Variants in ZNF827 observed in about 807,000 individuals in gnomAD.
ZNF827 encodes the protein zinc finger protein 827.
Under a neutral mutation model 102.4 loss-of-function variants are expected in ZNF827, and 13 were observed. The observed-to-expected ratio is 0.13, with a 90% confidence interval of 0.08 to 0.20. The LOEUF (loss-of-function observed/expected upper bound fraction) is 0.20, where lower values mean the gene tolerates loss of function less well. Among genes scored for constraint, ZNF827 ranks in the 10% least tolerant of loss-of-function variants. ZNF827 has a pLI of 1.00. For missense variants in ZNF827, 1,103 were observed against 1,344.4 expected (o/e 0.82, Z 2.81); for synonymous variants, 523 against 536.2 (o/e 0.98, Z 0.34).
chr4:145,899,542 G>T (rs766663806), intron 2 of ZNF827, among the ~76,000 whole-genome samples: 17 of 152,186 alleles, frequency 1.1e-4, no homozygotes, highest in Non-Finnish European at 1.8e-4. Flanking sequence ...TGAAAAGAGT[G>T]AGGGCATCCC....
chr4:145,818,303 C>G (rs1052880143), intron 8 of ZNF827, among the ~76,000 whole-genome samples: 2 of 152,194 alleles, frequency 1.3e-5, no homozygotes, highest in Non-Finnish European at 2.9e-5. Flanking sequence ...AATTCCTGTG[C>G]TGCCCCTCCT....
At chr4:145,870,675 G>T in intron 4 of ZNF827, 197 bp from the exon 5 acceptor site, 1 of 523,688 alleles carries the variant, frequency 1.9e-6, no homozygotes, top group South Asian at 3.1e-5. Flanking sequence ...GAGGAGTGTG[G>T]GCTTCTGAAT....
Position 145,773,649 on chromosome 4 carries a change from A to G in ZNF827, c.2860+857T>C, listed in dbSNP as rs367870727. On this transcript the variant is annotated intron_variant, in intron 11 of 14. Transcript: ENST00000508784. ...GAGAGTATAATTGCATGGTGAAGTCAGAATGTTAACATCAATAAATGGAAG... is the reference window on the plus strand; with the variant it reads ...GAGAGTATAATTGCATGGTGAAGTCGGAATGTTAACATCAATAAATGGAAG... Among the ~76,000 whole-genome samples, 5 of 152,384 alleles carry G rather than the reference A, an allele frequency of 3.3e-5. No homozygotes were observed. In the East Asian group the frequency reaches 9.6e-4, roughly 29 times the overall value.
intron 2 of ZNF827, among the ~76,000 whole-genome samples, chr4:145,896,889 A>G (rs950106707): frequency 1.3e-5 from 2 of 152,258 alleles, no homozygotes; most frequent in Non-Finnish European, 2.9e-5. Context: ...AGCAGAGATG[A>G]TCTTATGGGA....
At chr4:145,858,899 T>C (rs1351377384) in intron 5 of ZNF827, among the ~76,000 whole-genome samples, 2 of 152,202 alleles carry the variant, frequency 1.3e-5, no homozygotes, top group African/African-American at 2.4e-5. Context: ...GGGTTCAGTA[T>C]ATGCAGACAA....
In ZNF827 at chr4:145,894,951, C is replaced by T. The variant is rs566681263; in HGVS notation, c.1094-2536G>A. On this transcript the variant is annotated intron_variant, in intron 2 of 14. Transcript: ENST00000508784. ...ACTGGAGAGAAAGGACTGAATCAGG[C>T]CTCTAGGTGAAATTATTGTCATACA... 2.2e-4 allele frequency among the ~76,000 whole-genome samples: 34 copies of T among 152,194 alleles called. 1 individual carries two copies. In the East Asian group the frequency reaches 5.2e-3, roughly 23 times the overall value.
chr4:145,913,050 T>C (rs999222226), intron 1 of ZNF827, among the ~76,000 whole-genome samples: 3 of 152,210 alleles, frequency 2.0e-5, no homozygotes, highest in Non-Finnish European at 2.9e-5. Flanking sequence ...TGTTAAGTCC[T>C]GTGAGGCTGG....
chr4:145,850,572 T>C (rs1746434614), intron 5 of ZNF827, among the ~76,000 whole-genome samples: 1 of 152,208 alleles, frequency 6.6e-6, no homozygotes, highest in Admixed American at 6.5e-5. Context: ...GAAACACATA[T>C]TTGTTTTGTA....
At position 145,849,566 on chromosome 4, in the gene ZNF827, A is replaced by C; in HGVS notation, c.1982-5T>G. 1 of 1,613,496 alleles carries C rather than the reference A, an allele frequency of 6.2e-7. No homozygotes were observed. Among genetic ancestry groups the C allele is most frequent in the South Asian group, 1.1e-5 (1 of 91,070 alleles). On this transcript the variant is annotated splice_region_variant and splice_polypyrimidine_tract_variant and intron_variant, in intron 5 of 14. Coordinates refer to ENST00000508784, the MANE Select transcript of ZNF827 (RefSeq NM_001306215.2). The stretch of plus-strand genomic sequence containing the variant: ...GTGTTTCCTTGTAGCTTTCCGCTGC[A>C]AGTAGGTGAATGAAGAGAAACAAAA...
intron 1 of ZNF827, among the ~76,000 whole-genome samples, chr4:145,933,877 G>A (rs1253381304): frequency 1.3e-5 from 2 of 151,646 alleles, no homozygotes; most frequent in African/African-American, 4.9e-5. Flanking sequence ...CGTTCATAAA[G>A]TGCCCAGTCC....
chr4:145,922,583 G>T (rs1753145578), intron 1 of ZNF827, among the ~76,000 whole-genome samples: 1 of 152,178 alleles, frequency 6.6e-6, no homozygotes, highest in South Asian at 2.1e-4. Flanking sequence ...TTTCATTGAA[G>T]ACTGACCCTT....
At chr4:145,802,108 T>C (rs1740967988) in intron 8 of ZNF827, among the ~76,000 whole-genome samples, 1 of 152,212 alleles carries the variant, frequency 6.6e-6, no homozygotes. Flanking sequence ...TAAAGACTTG[T>C]TTCAGATACT....
At chr4:145,897,637 A>G (rs138929881) in intron 2 of ZNF827, among the ~76,000 whole-genome samples, 2 of 152,366 alleles carry the variant, frequency 1.3e-5, no homozygotes, top group African/African-American at 4.8e-5. Flanking sequence ...AGCCTAGGTT[A>G]GCAATGGATG....
chr4:145,823,496 T>G lies in ZNF827; in HGVS notation c.2309A>C (p.Gln770Pro). The part of the protein sequence containing the change: ...SPFFSEDTFR[Q>P]SPFTSNSKEL... ...TTTTGAATTGGAGGTGAATGGTGATTGTCTAAATGTGTCTTCTGAAAAGAA... is the reference window on the plus strand; with the variant it reads ...TTTTGAATTGGAGGTGAATGGTGATGGTCTAAATGTGTCTTCTGAAAAGAA... Residue 770 changes from glutamine (Q) to proline (P), a missense_variant, in exon 8 of 15, where the codon CAA becomes CCA. This residue lies in a region of ZNF827 where 243 missense variants were observed against 251.6 expected (regional missense o/e 0.97). Coordinates refer to ENST00000508784, the MANE Select transcript of ZNF827 (RefSeq NM_001306215.2). The G allele has an allele frequency of 1.2e-6, 2 of 1,613,006 alleles. No individual in the cohort carries two copies. Among genetic ancestry groups the G allele is most frequent in the African/African-American group, 1.3e-5 (1 of 74,594 alleles).
intron 7 of ZNF827, among the ~76,000 whole-genome samples, chr4:145,833,587 C>T (rs193289415): frequency 3.7e-4 from 56 of 151,994 alleles, no homozygotes; most frequent in Admixed American, 1.8e-3. Flanking sequence ...TCACCCTTAG[C>T]GGCAAGTCCC....
chr4:145,874,837 T>G (rs1036960135), intron 4 of ZNF827, among the ~76,000 whole-genome samples: 1 of 152,194 alleles, frequency 6.6e-6, no homozygotes, highest in Non-Finnish European at 1.5e-5. Flanking sequence ...AGAGGCCCCC[T>G]CTCTCGCTGT....
At chr4:145,806,857 A>G (rs751410476) in intron 8 of ZNF827, among the ~76,000 whole-genome samples, 2 of 152,184 alleles carry the variant, frequency 1.3e-5, no homozygotes, top group Non-Finnish European at 2.9e-5. Flanking sequence ...GTCCCATTGA[A>G]CACTCTATTT....
intron 1 of ZNF827, among the ~76,000 whole-genome samples, chr4:145,928,004 C>A (rs1008845080): frequency 5.3e-5 from 8 of 152,232 alleles, no homozygotes; most frequent in African/African-American, 1.9e-4. Flanking sequence ...AGGGAGAAGA[C>A]TGCAGTCTGT....
At chr4:145,783,232 G>A (rs1738357926) in intron 8 of ZNF827, among the ~76,000 whole-genome samples, 1 of 152,200 alleles carries the variant, frequency 6.6e-6, no homozygotes, top group Non-Finnish European at 1.5e-5. Flanking sequence ...CATAAGAGGT[G>A]CTTAGTATAT....
Sources: allele counts gnomAD v4.1 joint callset (sites outside exome capture counted in the v4.1 genomes callset), GRCh38; gene constraint gnomAD v4.1.1; regional missense constraint gnomAD v4.1.1; transcripts MANE v1.5; gene names NCBI Gene and HGNC (gene_info 2026-07-23, HGNC 2026-07-21).